Variants in MOSMO observed in about 807,000 individuals in gnomAD.
MOSMO encodes the protein modulator of smoothened, also known as modulator of smoothened protein.
Under a neutral mutation model 18.4 loss-of-function variants are expected in MOSMO, and 5 were observed. The observed-to-expected ratio is 0.27, with a 90% CI of 0.14 to 0.57. The LOEUF is 0.57. Ranked by LOEUF, MOSMO falls within the 20% of genes least tolerant of loss-of-function variation. The pLI is 0.92. For synonymous variants in MOSMO, 82 were observed against 82.3 expected, an observed-to-expected ratio of 1.00 and a Z score of 0.02; for missense variants, 138 against 211.8, an observed-to-expected ratio of 0.65 and a Z score of 2.16.
intron 1 of MOSMO, among the ~76,000 whole-genome samples, chr16:22,057,311 T>C (rs1478051412): frequency 6.6e-6 from 1 of 152,234 alleles, no homozygotes; most frequent in East Asian, 1.9e-4. Flanking sequence ...GGGTCCTTGA[T>C]GCTGCATCCT....
intron 2 of MOSMO, 122 bp from the exon 3 acceptor site, chr16:22,080,574 G>A (rs1901059505): frequency 7.1e-6 from 4 of 559,700 alleles, no homozygotes; most frequent in African/African-American, 2.0e-5. Context: ...TTTTTAACAA[G>A]TGGTCCATGT....
chr16:22,038,787 T>A (rs1276592382), intron 1 of MOSMO, among the ~76,000 whole-genome samples: 1 of 152,196 alleles, frequency 6.6e-6, no homozygotes, highest in Non-Finnish European at 1.5e-5. Flanking sequence ...AAAGCATAAA[T>A]TTTTTAATGA....
intron 1 of MOSMO, among the ~76,000 whole-genome samples, chr16:22,021,055 G>A (rs1899751927): frequency 6.6e-6 from 1 of 152,100 alleles, no homozygotes; most frequent in South Asian, 2.1e-4. Context: ...GTAGTTTGCT[G>A]TGGTGGGGGT....
chr16:22,044,362 G>T (rs1900267429), intron 1 of MOSMO, among the ~76,000 whole-genome samples: 1 of 152,144 alleles, frequency 6.6e-6, no homozygotes, highest in Non-Finnish European at 1.5e-5. Context: ...AAGTACTTCT[G>T]TGTGCCAGGG....
intron 1 of MOSMO, among the ~76,000 whole-genome samples, chr16:22,040,214 T>C (rs1301234569): frequency 6.6e-6 from 1 of 152,116 alleles, no homozygotes. Flanking sequence ...GGGAGCTAAA[T>C]GGTGAGAACA....
At chr16:22,010,641 G>T (rs1353038294) in intron 1 of MOSMO, among the ~76,000 whole-genome samples, 1 of 152,300 alleles carries the variant, frequency 6.6e-6, no homozygotes, top group African/African-American at 2.4e-5. Context: ...GGGCATAGCC[G>T]GGCGTGGTGG....
intron 2 of MOSMO, 80 bp from the exon 3 acceptor site, chr16:22,080,616 C>A: frequency 1.1e-6 from 1 of 912,948 alleles, no homozygotes; most frequent in Non-Finnish European, 1.5e-6. Context: ...TTCTTACAAG[C>A]TTCCTTTGTG....
chr16:22,060,716 T>C (rs1900626026), intron 1 of MOSMO, among the ~76,000 whole-genome samples: 2 of 152,032 alleles, frequency 1.3e-5, no homozygotes, highest in Admixed American at 1.3e-4. Flanking sequence ...CTACTAAAAA[T>C]ACAAAAGTTA....
At chr16:22,071,108 C>A (rs1438754953) in intron 1 of MOSMO, among the ~76,000 whole-genome samples, 1 of 152,082 alleles carries the variant, frequency 6.6e-6, no homozygotes, top group East Asian at 1.9e-4. Context: ...CCTGTGTAAC[C>A]AGTGAAACAG....
At chr16:22,038,105 C>T (rs1379910937) in intron 1 of MOSMO, among the ~76,000 whole-genome samples, 1 of 152,220 alleles carries the variant, frequency 6.6e-6, no homozygotes, top group Non-Finnish European at 1.5e-5. Flanking sequence ...ACAAAAGAAA[C>T]TCTCATCACT....
At chr16:22,029,485 A>G (rs1291185134) in intron 1 of MOSMO, among the ~76,000 whole-genome samples, 1 of 152,120 alleles carries the variant, frequency 6.6e-6, no homozygotes, top group African/African-American at 2.4e-5. Context: ...CTCTCCTTCA[A>G]TTTTGTCACC....
chr16:22,087,687 T>C (rs1011110206), downstream of MOSMO, among the ~76,000 whole-genome samples: 1 of 152,154 alleles, frequency 6.6e-6, no homozygotes, highest in African/African-American at 2.4e-5. Flanking sequence ...CTAAGATAGG[T>C]AGTAAGCAGC....
At chr16:22,054,692 T>C (rs569607550) in intron 1 of MOSMO, among the ~76,000 whole-genome samples, 1 of 152,316 alleles carries the variant, frequency 6.6e-6, no homozygotes, top group Admixed American at 6.5e-5. Flanking sequence ...ACAATTTAAA[T>C]GCACAAGTAT....
At chr16:22,026,202 A>T (rs973591192) in intron 1 of MOSMO, among the ~76,000 whole-genome samples, 3 of 150,288 alleles carry the variant, frequency 2.0e-5, no homozygotes, top group Admixed American at 2.0e-4. Context: ...GTTGGATATG[A>T]GAGAATTGCA....
At position 22,083,531 on chromosome 16, in the gene MOSMO, T is replaced by A. The variant is rs1334340603; in HGVS notation, c.*2651T>A. On this transcript the variant is annotated 3_prime_UTR_variant, in exon 3 of 3. Transcript: ENST00000542527. Reference sequence around the variant, plus strand: ...TGAAAAGATAGACAACTGTCCGCAGTTGCTTTTAAAAAAGGTCACTATAAT... The same window carrying A: ...TGAAAAGATAGACAACTGTCCGCAGATGCTTTTAAAAAAGGTCACTATAAT... 4 of 340,652 alleles carry A rather than the reference T, an allele frequency of 1.2e-5. No individual in the cohort carries two copies. The East Asian group carries it at 4.5e-4, about 39-fold the overall frequency. The allele number at this position is 340,652 out of a possible 1,614,324, so 21.1% of individuals were successfully genotyped here. A position where few individuals can be genotyped will look rare whatever the true frequency, so the allele number is the denominator to read the frequency against.
chr16:22,030,361 A>G (rs990887058), intron 1 of MOSMO, among the ~76,000 whole-genome samples: 3 of 152,198 alleles, frequency 2.0e-5, no homozygotes, highest in Non-Finnish European at 4.4e-5. Flanking sequence ...AGTCAAGTTA[A>G]AAGTGTATGT....
chr16:22,010,698 C>T (rs1899506674), intron 1 of MOSMO, among the ~76,000 whole-genome samples: 1 of 151,804 alleles, frequency 6.6e-6, no homozygotes, highest in South Asian at 2.1e-4. Context: ...GCGGACGGAT[C>T]ACCTGAGGAC....
chr16:22,074,196 C>T (rs1900917187), intron 1 of MOSMO, among the ~76,000 whole-genome samples: 1 of 152,196 alleles, frequency 6.6e-6, no homozygotes, highest in South Asian at 2.1e-4. Context: ...TTCACCAGTT[C>T]CCTTCACAGA....
chr16:22,009,237 C>T (rs1458161322), intron 1 of MOSMO, among the ~76,000 whole-genome samples: 2 of 152,272 alleles, frequency 1.3e-5, no homozygotes, highest in South Asian at 2.1e-4. Context: ...CATTCCAGCG[C>T]ATCACAAAAA....
Sources: allele counts gnomAD v4.1 joint callset (sites outside exome capture counted in the v4.1 genomes callset), GRCh38; gene constraint gnomAD v4.1.1; transcripts MANE v1.5; gene names NCBI Gene and HGNC (gene_info 2026-07-23, HGNC 2026-07-21).